The following SLAIN2 variants were observed in gnomAD, a reference collection of about 807,000 sequenced individuals.
SLAIN2 encodes SLAIN motif-containing protein 2.
Under a neutral mutation model 56.6 loss-of-function variants are expected in SLAIN2, and 31 were observed. That is an observed-to-expected ratio of 0.55 (90% confidence interval 0.41 to 0.74). SLAIN2 has a LOEUF of 0.74. Ranked by LOEUF, SLAIN2 falls within the 30% of genes least tolerant of loss-of-function variation. The probability of loss-of-function intolerance (pLI) is 0.00; values close to 1 mark genes in which losing one functional copy is unlikely to be tolerated. For missense variants in SLAIN2, 777 were observed against 754.2 expected (o/e 1.03, Z -0.35); for synonymous variants, 317 against 284.9 (o/e 1.11, Z -1.13).
chr4:48,370,855 T>A (rs1270323352), intron 2 of SLAIN2, among the ~76,000 whole-genome samples: 2 of 152,212 alleles, frequency 1.3e-5, no homozygotes, highest in Non-Finnish European at 2.9e-5. Context: ...TTATTTTGGC[T>A]TTATTATAGA....
chr4:48,342,397 G>T (rs1714737133), intron 1 of SLAIN2, among the ~76,000 whole-genome samples: 1 of 152,242 alleles, frequency 6.6e-6, no homozygotes, highest in African/African-American at 2.4e-5. Flanking sequence ...GGTTGGGGCA[G>T]CTTGAGAAGG....
At chr4:48,362,184 A>G (rs892074218) in intron 1 of SLAIN2, among the ~76,000 whole-genome samples, 6 of 152,018 alleles carry the variant, frequency 3.9e-5, no homozygotes, top group African/African-American at 1.4e-4. Flanking sequence ...TTATTTAATA[A>G]AAGTATGAGA....
At chr4:48,415,377 A>G (rs1481734726) in intron 6 of SLAIN2, among the ~76,000 whole-genome samples, 1 of 66,302 alleles carries the variant, frequency 1.5e-5, no homozygotes, top group East Asian at 4.0e-4. Flanking sequence ...GTGTCTGTTC[A>G]TATCCTTCAC....
At chr4:48,343,118 T>C (rs11944094) in intron 1 of SLAIN2, among the ~76,000 whole-genome samples, 2,914 of 152,286 alleles carry the variant, frequency 0.019, 103 homozygotes, top group African/African-American at 0.067. Context: ...AACAGTGAAA[T>C]CGAAATCATT....
chr4:48,371,996 A>ACG (rs1560455428), intron 2 of SLAIN2, among the ~76,000 whole-genome samples: 5 of 147,542 alleles, frequency 3.4e-5, no homozygotes, highest in Non-Finnish European at 4.5e-5. Context: ...ACACGCGCGC[A>ACG]CACACACACA....
chr4:48,366,391 T>G (rs996051880), intron 1 of SLAIN2, among the ~76,000 whole-genome samples: 2 of 152,228 alleles, frequency 1.3e-5, no homozygotes, highest in African/African-American at 4.8e-5. Context: ...CTTTTTTCAG[T>G]TATTAAGAGT....
intron 1 of SLAIN2, among the ~76,000 whole-genome samples, chr4:48,364,689 C>T (rs1168762229): frequency 1.6e-5 from 2 of 123,164 alleles, no homozygotes; most frequent in African/African-American, 2.9e-5. Flanking sequence ...GCCCGGCCAA[C>T]ACAGCGAAAC....
intron 1 of SLAIN2, among the ~76,000 whole-genome samples, chr4:48,365,539 G>A (rs913954026): frequency 2.0e-5 from 3 of 150,598 alleles, no homozygotes; most frequent in African/African-American, 4.9e-5. Flanking sequence ...TTTCCTTCTG[G>A]CTACTTTGGG....
At chr4:48,376,264 G>A (rs1416946148) in intron 2 of SLAIN2, among the ~76,000 whole-genome samples, 1 of 152,058 alleles carries the variant, frequency 6.6e-6, no homozygotes, top group Non-Finnish European at 1.5e-5. Flanking sequence ...AACCAGCCTG[G>A]GAGACATGGC....
intron 6 of SLAIN2, among the ~76,000 whole-genome samples, chr4:48,405,832 CT>C (rs1716679403): frequency 6.6e-6 from 1 of 151,980 alleles, no homozygotes; most frequent in African/African-American, 2.4e-5. Flanking sequence ...GTGGTAGTTT[CT>C]TTAGGAAATT....
chr4:48,376,022 A>T (rs150297217), intron 2 of SLAIN2, among the ~76,000 whole-genome samples: 1 of 152,214 alleles, frequency 6.6e-6, no homozygotes, highest in Non-Finnish European at 1.5e-5. Context: ...TTTGCCTTGC[A>T]ATGTTTGTTG....
rs1248945215 is a variant in SLAIN2 at position 48,419,990 on chromosome 4, T to A, written c.1361-135T>A. ...TTTCTTTTAGTAGCCCAGGAATAGC[T>A]TTTATTGTTTGCATTGCTGTGAAGT... On this transcript the variant is annotated intron_variant, in intron 6 of 7. Transcript: ENST00000264313. 5.1e-5 allele frequency: 43 copies of A among 848,764 alleles called. 1 individual carries two copies. Among genetic ancestry groups the A allele is most frequent in the Admixed American group, 1.7e-4 (6 of 34,964 alleles). 52.6% of individuals were successfully genotyped at this position (848,764 alleles called of 1,614,324 possible). A position where few individuals can be genotyped will look rare whatever the true frequency, so the allele number is the denominator to read the frequency against.
chr4:48,398,276 G>A (rs1438060168), intron 6 of SLAIN2, among the ~76,000 whole-genome samples: 1 of 151,880 alleles, frequency 6.6e-6, no homozygotes, highest in African/African-American at 2.4e-5. Context: ...CATGTTTGTT[G>A]GCCCCATGAA....
At chr4:48,385,765 C>T (rs1270529885) in intron 6 of SLAIN2, among the ~76,000 whole-genome samples, 2 of 151,616 alleles carry the variant, frequency 1.3e-5, no homozygotes, top group Non-Finnish European at 1.5e-5. Flanking sequence ...GGACCACAGG[C>T]GTGCACCACC....
At chr4:48,394,759 C>T in intron 6 of SLAIN2, 1 of 773,908 alleles carries the variant, frequency 1.3e-6, no homozygotes, top group African/African-American at 1.8e-5. Flanking sequence ...ACATTTTAGT[C>T]TTATTTTAAA....
At chr4:48,416,969 C>G (rs1717014654) in intron 6 of SLAIN2, among the ~76,000 whole-genome samples, 1 of 81,102 alleles carries the variant, frequency 1.2e-5, no homozygotes, top group Non-Finnish European at 2.5e-5. Flanking sequence ...CAAACACATT[C>G]AAAAGCTAGC....
intron 1 of SLAIN2, among the ~76,000 whole-genome samples, chr4:48,349,663 A>G (rs1714960861): frequency 6.6e-6 from 1 of 152,194 alleles, no homozygotes; most frequent in Non-Finnish European, 1.5e-5. Context: ...AAAAAATCCT[A>G]TTGATAAAAT....
At chr4:48,365,627 C>T (rs1419363249) in intron 1 of SLAIN2, among the ~76,000 whole-genome samples, 1 of 151,750 alleles carries the variant, frequency 6.6e-6, no homozygotes, top group East Asian at 1.9e-4. Flanking sequence ...GTGGCGGGAT[C>T]TTGGCTCACT....
chr4:48,404,721 CCTTT>C (rs1560463873), intron 6 of SLAIN2, among the ~76,000 whole-genome samples: 1 of 152,064 alleles, frequency 6.6e-6, no homozygotes, highest in Non-Finnish European at 1.5e-5. Context: ...CTTTCTAAGG[CCTTT>C]GTCTTTCTCT....
Sources: allele counts gnomAD v4.1 joint callset (sites outside exome capture counted in the v4.1 genomes callset), GRCh38; gene constraint gnomAD v4.1.1; transcripts MANE v1.5; gene names NCBI Gene and HGNC (gene_info 2026-07-23, HGNC 2026-07-21).